Variants in PRKCB observed in about 807,000 individuals in gnomAD.
The protein encoded by PRKCB is protein kinase C beta.
Under a neutral mutation model 81.5 loss-of-function variants are expected in PRKCB, and 13 were observed. That is an observed-to-expected ratio of 0.16 (90% CI 0.10 to 0.25). The LOEUF (loss-of-function observed/expected upper bound fraction) is 0.25, where lower values mean the gene tolerates loss of function less well. Among genes scored for constraint, PRKCB ranks in the 10% least tolerant of loss-of-function variants. The pLI, the probability that PRKCB is intolerant of heterozygous loss-of-function variation, is 1.00. For synonymous variants in PRKCB, 335 were observed against 321.4 expected, an observed-to-expected ratio of 1.04 and a Z score of -0.45; for missense variants, 509 against 875.7, an observed-to-expected ratio of 0.58 and a Z score of 5.29.
At chr16:23,865,415 A>G (rs1357796598) in intron 2 of PRKCB, among the ~76,000 whole-genome samples, 1 of 124,126 alleles carries the variant, frequency 8.1e-6, no homozygotes, top group African/African-American at 3.1e-5. Context: ...TGATCCTCCC[A>G]CCTCAGCCTC....
intron 3 of PRKCB, among the ~76,000 whole-genome samples, chr16:24,010,548 A>G (rs1341534284): frequency 6.6e-6 from 1 of 152,162 alleles, no homozygotes; most frequent in African/African-American, 2.4e-5. Flanking sequence ...GCAATAGTCC[A>G]AGGCAGGGAG....
intron 7 of PRKCB, among the ~76,000 whole-genome samples, chr16:24,109,089 T>C (rs1407626165): frequency 2.1e-5 from 3 of 142,108 alleles, no homozygotes; most frequent in Admixed American, 6.9e-5. Flanking sequence ...GGCTCCTCAC[T>C]TCCCAGTAGG....
chr16:24,216,035 T>C lies in PRKCB; in HGVS notation c.*1219T>C, dbSNP rs983874667. The C allele has an allele frequency of 4.1e-6, 4 of 983,274 alleles. No individual in the cohort carries two copies. Among genetic ancestry groups the C allele is most frequent in the East Asian group, 1.1e-4 (1 of 8,804 alleles). 60.9% of individuals were successfully genotyped at this position (983,274 alleles called of 1,614,324 possible). A position where few individuals can be genotyped will look rare whatever the true frequency, so the allele number is the denominator to read the frequency against. On this transcript the variant is annotated 3_prime_UTR_variant, in exon 17 of 17. Coordinates refer to ENST00000643927, the MANE Select transcript of PRKCB (RefSeq NM_002738.7). ...GAAGAAATACTATTTCAAGGAAAAC[T>C]GCTCTTTTTGAGAAACGTGGACCTA...
intron 5 of PRKCB, 69 bp downstream of exon 5, chr16:24,035,616 G>A (rs904245980): frequency 1.3e-6 from 2 of 1,522,220 alleles, no homozygotes; most frequent in Admixed American, 3.6e-5. Flanking sequence ...GGGGAGGGTG[G>A]CGGAGGGGTG....
At chr16:24,147,504 C>G (rs562762537) in intron 9 of PRKCB, among the ~76,000 whole-genome samples, 3 of 152,028 alleles carry the variant, frequency 2.0e-5, no homozygotes, top group Non-Finnish European at 2.9e-5. Flanking sequence ...GAATGCACAC[C>G]AAGCTCATCT....
At chr16:23,880,990 G>C (rs1004971531) in intron 2 of PRKCB, among the ~76,000 whole-genome samples, 1 of 152,062 alleles carries the variant, frequency 6.6e-6, no homozygotes, top group Non-Finnish European at 1.5e-5. Context: ...GATGGTCATG[G>C]GGGTATTTTC....
chr16:23,869,176 A>G (rs1962861304), intron 2 of PRKCB: 2 of 452,218 alleles, frequency 4.4e-6, no homozygotes, highest in Admixed American at 2.4e-5. Context: ...AGCAGACACA[A>G]TCTACTCTAC....
intron 2 of PRKCB, among the ~76,000 whole-genome samples, chr16:23,840,567 T>G (rs1291863433): frequency 2.0e-5 from 3 of 152,188 alleles, no homozygotes; most frequent in Non-Finnish European, 4.4e-5. Flanking sequence ...GGAAATGTAG[T>G]GTTTATTTCA....
intron 2 of PRKCB, among the ~76,000 whole-genome samples, chr16:23,915,902 A>G (rs1351068395): frequency 6.6e-6 from 1 of 152,128 alleles, no homozygotes. Flanking sequence ...TATTTTAATC[A>G]ATCTACATTT....
intron 2 of PRKCB, among the ~76,000 whole-genome samples, chr16:23,842,465 T>C (rs548379683): frequency 6.6e-6 from 1 of 152,322 alleles, no homozygotes; most frequent in South Asian, 2.1e-4. Context: ...TTCATGTACT[T>C]AGATAGTTTC....
At chr16:24,150,099 G>A (rs1277934800) in intron 9 of PRKCB, among the ~76,000 whole-genome samples, 1 of 152,196 alleles carries the variant, frequency 6.6e-6, no homozygotes, top group Non-Finnish European at 1.5e-5. Context: ...GGGAGACCTA[G>A]ATGGGCGGAT....
chr16:24,057,796 C>T (rs923552695), intron 5 of PRKCB, among the ~76,000 whole-genome samples: 2 of 152,052 alleles, frequency 1.3e-5, no homozygotes, highest in African/African-American at 4.8e-5. Context: ...GGACTCAGCT[C>T]GGTGGGCGCT....
At chr16:24,088,269 C>G (rs1366495605) in intron 5 of PRKCB, among the ~76,000 whole-genome samples, 2 of 152,146 alleles carry the variant, frequency 1.3e-5, no homozygotes, top group African/African-American at 4.8e-5. Flanking sequence ...TGCCAGCAGT[C>G]TCAGGATGCA....
chr16:24,159,444 A>C (rs557841955), intron 10 of PRKCB, among the ~76,000 whole-genome samples: 2 of 152,128 alleles, frequency 1.3e-5, no homozygotes, highest in Non-Finnish European at 2.9e-5. Context: ...TAGGTTGGGC[A>C]CTCTACTCAG....
chr16:23,960,370 T>A (rs1267241876), intron 2 of PRKCB, among the ~76,000 whole-genome samples: 6 of 152,162 alleles, frequency 3.9e-5, no homozygotes, highest in Non-Finnish European at 8.8e-5. Context: ...TTGGACCACT[T>A]TTACTTCTTT....
intron 2 of PRKCB, among the ~76,000 whole-genome samples, chr16:23,913,113 G>C (rs1299253749): frequency 1.3e-5 from 2 of 152,138 alleles, no homozygotes; most frequent in Non-Finnish European, 2.9e-5. Context: ...TCAGAATGGA[G>C]GCTGAGGTTC....
intron 2 of PRKCB, among the ~76,000 whole-genome samples, chr16:23,935,266 C>T (rs1335916149): frequency 6.6e-6 from 1 of 152,196 alleles, no homozygotes; most frequent in African/African-American, 2.4e-5. Context: ...ATTAAAGGCT[C>T]TCCAGGTGAC....
At position 24,114,723 on chromosome 16, in the gene PRKCB, G is replaced by A. The variant is rs193088522; in HGVS notation, c.918+1654G>A. Among the ~76,000 whole-genome samples, 194 of 152,280 alleles carry A rather than the reference G, an allele frequency of 1.3e-3. 2 individuals carry two copies. The highest frequency in any genetic ancestry group is 4.1e-3 in the African/African-American group (172 of 41,556). ...TTTGTTCCCACAAACTCAATACACT[G>A]AGTCTGGTGGGAGATGATCAATTCT... On this transcript the variant is annotated intron_variant, in intron 8 of 16. Transcript: ENST00000643927.
chr16:24,208,055 A>C (rs1968075040), intron 16 of PRKCB: 2 of 152,302 alleles, frequency 1.3e-5, no homozygotes, highest in Non-Finnish European at 2.9e-5. Context: ...GCTTTGGGCA[A>C]TGGGGAGCTA....
Sources: allele counts gnomAD v4.1 joint callset (sites outside exome capture counted in the v4.1 genomes callset), GRCh38; gene constraint gnomAD v4.1.1; transcripts MANE v1.5; gene names NCBI Gene and HGNC (gene_info 2026-07-23, HGNC 2026-07-21).